ANKRD6: variants seen among roughly 807,000 people sequenced by gnomAD.
The protein encoded by ANKRD6 is ankyrin repeat domain-containing protein 6.
ANKRD6 carries 56 observed loss-of-function variants against 82.3 expected under a neutral mutation model. That is an observed-to-expected ratio of 0.68 (90% CI 0.55 to 0.85). The LOEUF (loss-of-function observed/expected upper bound fraction) is 0.85, where lower values mean the gene tolerates loss of function less well. ANKRD6 is among the 40% of genes least tolerant of loss of function. The probability of loss-of-function intolerance (pLI) is 0.00; values close to 1 mark genes in which losing one functional copy is unlikely to be tolerated. For synonymous variants in ANKRD6, 347 were observed against 352.1 expected (o/e 0.99, Z 0.16); for missense variants, 852 against 907.6 (o/e 0.94, Z 0.79).
chr6:89,491,442 T>G (rs1290802948), intron 1 of ANKRD6, among the ~76,000 whole-genome samples: 1 of 152,236 alleles, frequency 6.6e-6, no homozygotes, highest in Non-Finnish European at 1.5e-5. Context: ...GAACTTTCCC[T>G]GAAGCAGGTC....
At chr6:89,463,981 T>G (rs1353490350) in intron 1 of ANKRD6, among the ~76,000 whole-genome samples, 1 of 152,194 alleles carries the variant, frequency 6.6e-6, no homozygotes, top group Non-Finnish European at 1.5e-5. Flanking sequence ...AAAACAAAAA[T>G]ATGATAATGT....
intron 1 of ANKRD6, among the ~76,000 whole-genome samples, chr6:89,480,087 A>G (rs1256383681): frequency 1.3e-5 from 2 of 152,170 alleles, no homozygotes; most frequent in Admixed American, 6.5e-5. Flanking sequence ...CAATACTGTC[A>G]CAAACTTGCC....
intron 1 of ANKRD6, among the ~76,000 whole-genome samples, chr6:89,447,754 T>A (rs745656421): frequency 6.6e-6 from 1 of 152,162 alleles, no homozygotes; most frequent in Non-Finnish European, 1.5e-5. Context: ...AATGGTGTGA[T>A]GTCGGGTCAC....
At chr6:89,629,301 C>T (rs753949917) in intron 15 of ANKRD6, 63 bp downstream of exon 15, 1 of 1,604,696 alleles carries the variant, frequency 6.2e-7, no homozygotes, top group Admixed American at 1.7e-5. Flanking sequence ...CTTGTACTCT[C>T]CTGCACTGAA....
chr6:89,488,639 T>C (rs1777641516), intron 1 of ANKRD6, among the ~76,000 whole-genome samples: 1 of 152,216 alleles, frequency 6.6e-6, no homozygotes, highest in Non-Finnish European at 1.5e-5. Flanking sequence ...ATTTGGTTTT[T>C]AGACACTGTC....
At position 89,607,043 on chromosome 6, in the gene ANKRD6, T is replaced by C. The variant is rs1039585570; in HGVS notation, c.417+938T>C. ...AAAATTAGCTGGATGTGGTGGTGCA[T>C]GCCGTCATCCCAGCTACTCGGAAGG... On this transcript the variant is annotated intron_variant, in intron 5 of 15. Transcript: ENST00000339746. Among the ~76,000 whole-genome samples, 6 of 151,836 alleles carry C rather than the reference T, an allele frequency of 4.0e-5. No homozygotes were observed. In the East Asian group the frequency reaches 1.2e-3, roughly 29 times the overall value.
At chr6:89,482,263 A>T (rs567495750) in intron 1 of ANKRD6, among the ~76,000 whole-genome samples, 5 of 152,360 alleles carry the variant, frequency 3.3e-5, no homozygotes, top group South Asian at 2.1e-4. Flanking sequence ...AATTTAAGGG[A>T]ATGGGATCCA....
At position 89,578,292 on chromosome 6, in the gene ANKRD6, T is replaced by C. The variant is rs1238610532; in HGVS notation, c.120+11196T>C. On this transcript the variant is annotated intron_variant, in intron 2 of 15. Transcript: ENST00000339746. Reference sequence around the variant, plus strand: ...TTTTTCCCCCTCCCGCCTCCTTTTTTTTTTTTTTTTTTTTTTTTTTGGAAA... The same window carrying C: ...TTTTTCCCCCTCCCGCCTCCTTTTTCTTTTTTTTTTTTTTTTTTTTGGAAA... Among the ~76,000 whole-genome samples the C allele has an allele frequency of 3.5e-3, 333 of 94,146 alleles. 9 individuals are homozygous for C. The highest frequency in any genetic ancestry group is 0.01 in the African/African-American group (286 of 27,602). 61.8% of individuals were successfully genotyped at this position (94,146 alleles called of 152,430 possible).
At chr6:89,573,496 G>A (rs766795281) in intron 2 of ANKRD6, among the ~76,000 whole-genome samples, 16 of 152,068 alleles carry the variant, frequency 1.1e-4, no homozygotes, top group Non-Finnish European at 2.2e-4. Context: ...GATCTGGGTT[G>A]CTCTCTAGTT....
intron 1 of ANKRD6, among the ~76,000 whole-genome samples, chr6:89,525,662 A>G (rs1299730315): frequency 6.6e-6 from 1 of 152,218 alleles, no homozygotes; most frequent in Non-Finnish European, 1.5e-5. Context: ...AGTCATACAT[A>G]TTCAGCAGGT....
At chr6:89,527,886 T>A (rs1346237516) in intron 1 of ANKRD6, among the ~76,000 whole-genome samples, 1 of 152,188 alleles carries the variant, frequency 6.6e-6, no homozygotes, top group Non-Finnish European at 1.5e-5. Flanking sequence ...CACAGCTCAC[T>A]GTAACCTCAA....
chr6:89,552,553 A>G (rs1030557914), intron 1 of ANKRD6, among the ~76,000 whole-genome samples: 3 of 152,216 alleles, frequency 2.0e-5, no homozygotes, highest in Non-Finnish European at 4.4e-5. Flanking sequence ...GGTTTAAGAG[A>G]CAGAGGAAGG....
chr6:89,576,956 A>G (rs1317568941), intron 2 of ANKRD6, among the ~76,000 whole-genome samples: 1 of 151,428 alleles, frequency 6.6e-6, no homozygotes, highest in Non-Finnish European at 1.5e-5. Flanking sequence ...TTGAGACAAG[A>G]GTCTCACTAT....
At chr6:89,559,627 A>G (rs1787100633) in intron 1 of ANKRD6, among the ~76,000 whole-genome samples, 1 of 152,220 alleles carries the variant, frequency 6.6e-6, no homozygotes, top group African/African-American at 2.4e-5. Context: ...ATTTGTCTTT[A>G]GCATTTGGAT....
intron 1 of ANKRD6, among the ~76,000 whole-genome samples, chr6:89,506,788 G>T (rs540731733): frequency 6.6e-6 from 1 of 152,322 alleles, no homozygotes. Flanking sequence ...TTCGCATCCC[G>T]ATCTCTAGCT....
chr6:89,472,977 AT>A (rs1017308234), intron 1 of ANKRD6, among the ~76,000 whole-genome samples: 30 of 151,908 alleles, frequency 2.0e-4, no homozygotes, highest in Non-Finnish European at 3.5e-4. Flanking sequence ...AGATTATTAG[AT>A]TTTTTTTCCC....
chr6:89,570,092 ATTTAT>A (rs1389022539), intron 2 of ANKRD6, among the ~76,000 whole-genome samples: 1 of 105,944 alleles, frequency 9.4e-6, no homozygotes, highest in Non-Finnish European at 2.0e-5. Flanking sequence ...TGTGTGTATA[ATTTAT>A]TTAAGATATG....
At chr6:89,480,722 G>A (rs1285681305) in intron 1 of ANKRD6, among the ~76,000 whole-genome samples, 1 of 151,040 alleles carries the variant, frequency 6.6e-6, no homozygotes, top group East Asian at 1.9e-4. Flanking sequence ...AGGATCACTT[G>A]AGGCCAGGAG....
At chr6:89,599,327 C>G (rs1796579043) in intron 3 of ANKRD6, among the ~76,000 whole-genome samples, 1 of 152,164 alleles carries the variant, frequency 6.6e-6, no homozygotes, top group Non-Finnish European at 1.5e-5. Flanking sequence ...GAGCTGAGAT[C>G]ATGCCACTGC....
Sources: allele counts gnomAD v4.1 joint callset (sites outside exome capture counted in the v4.1 genomes callset), GRCh38; gene constraint gnomAD v4.1.1; transcripts MANE v1.5; gene names NCBI Gene and HGNC (gene_info 2026-07-23, HGNC 2026-07-21).